CPLX1: variants seen among roughly 807,000 people sequenced by gnomAD.
The protein encoded by CPLX1 is complexin 1.
CPLX1 carries 6 observed loss-of-function variants against 15.6 expected under a neutral mutation model. The ratio of observed to expected loss-of-function variants is 0.39; its 90% confidence interval spans 0.21 to 0.76. CPLX1 has a LOEUF of 0.76. CPLX1 is among the 30% of genes least tolerant of loss of function. The probability of loss-of-function intolerance (pLI) is 0.43; values close to 1 mark genes in which losing one functional copy is unlikely to be tolerated. For synonymous variants in CPLX1, 91 were observed against 75.2 expected, an observed-to-expected ratio of 1.21 and a Z score of -1.08; for missense variants, 242 against 188.6, an observed-to-expected ratio of 1.28 and a Z score of -1.66.
chr4:799,312 A>G (rs1232247119), intron 2 of CPLX1, among the ~76,000 whole-genome samples: 1 of 152,206 alleles, frequency 6.6e-6, no homozygotes, highest in East Asian at 1.9e-4. Flanking sequence ...GGGGACGTCC[A>G]TGCTTCTTCC....
At position 811,868 on chromosome 4, in the gene CPLX1, T is replaced by C. The variant is rs115965873; in HGVS notation, c.31+12624A>G. ...CTCCTTCTGTCTTTGCTGACGTATG[T>C]TGGAACTCAGCTGTCGGGTGTAGAA... is the stretch of plus-strand genomic sequence containing the variant. On this transcript the variant is annotated intron_variant, in intron 2 of 3. Transcript: ENST00000304062. Among the ~76,000 whole-genome samples the C allele has an allele frequency of 1.5e-3, 230 of 152,300 alleles. 2 individuals carry two copies. Among genetic ancestry groups the C allele is most frequent in the Middle Eastern group, 6.8e-3 (2 of 294 alleles).
intron 3 of CPLX1, chr4:787,317 G>A: frequency 1.0e-6 from 1 of 985,414 alleles, no homozygotes; most frequent in African/African-American, 1.7e-5. Flanking sequence ...CAGTATGCCT[G>A]GGCCTCACCG....
intron 2 of CPLX1, chr4:805,024 G>A: frequency 3.9e-6 from 3 of 772,484 alleles, no homozygotes; most frequent in Non-Finnish European, 3.1e-6. Flanking sequence ...GCACGCTCGC[G>A]CACCGTCTGT....
chr4:820,457 C>T (rs997347457), intron 2 of CPLX1, among the ~76,000 whole-genome samples: 1 of 152,234 alleles, frequency 6.6e-6, no homozygotes, highest in Non-Finnish European at 1.5e-5. Flanking sequence ...GGACACCCAA[C>T]CTTGCCCATG....
chr4:788,373 A>G (rs1746064755), intron 3 of CPLX1: 39 of 984,938 alleles, frequency 4.0e-5, no homozygotes, highest in Non-Finnish European at 4.7e-5. Flanking sequence ...GTGAGATGGA[A>G]AGGAGGGCGC....
intron 2 of CPLX1, among the ~76,000 whole-genome samples, chr4:794,176 G>A (rs1249777370): frequency 6.6e-6 from 1 of 152,244 alleles, no homozygotes; most frequent in Non-Finnish European, 1.5e-5. Flanking sequence ...TTGGTGGGAG[G>A]AGAATAGCTT....
rs754834961 is a variant in CPLX1, at chr4:824,444, C to T, written c.31+48G>A. On this transcript the variant is annotated intron_variant, in intron 2 of 3. Coordinates refer to ENST00000304062, the MANE Select transcript of CPLX1 (RefSeq NM_006651.4). ...GATGAGGAGCAGCTGCTGTGGTGGT[C>T]TCTCCATGTCCCCTCAGCCCCTCCC... 67 of 1,545,652 alleles carry T rather than the reference C, an allele frequency of 4.3e-5. No individual in the cohort carries two copies. The South Asian group carries it at 7.5e-4, about 17-fold the overall frequency.
intron 2 of CPLX1, among the ~76,000 whole-genome samples, chr4:816,364 GCC>G (rs1746756207): frequency 1.3e-5 from 2 of 151,470 alleles, no homozygotes; most frequent in Admixed American, 1.3e-4. Context: ...GATTACAGGC[GCC>G]CACCACCACA....
At chr4:822,357 GTC>G (rs775952030) in intron 2 of CPLX1, among the ~76,000 whole-genome samples, 1 of 143,576 alleles carries the variant, frequency 7.0e-6, no homozygotes, top group Non-Finnish European at 1.5e-5. Flanking sequence ...GTTTCTCCCT[GTC>G]TCTGTCTCCC....
chr4:786,943 C>T (rs1172326837), intron 3 of CPLX1: 4 of 984,042 alleles, frequency 4.1e-6, no homozygotes, highest in Non-Finnish European at 4.8e-6. Flanking sequence ...GGGGGAGGCT[C>T]CCATCTTCCT....
chr4:811,715 C>A (rs1216436651), intron 2 of CPLX1, among the ~76,000 whole-genome samples: 1 of 152,228 alleles, frequency 6.6e-6, no homozygotes, highest in Non-Finnish European at 1.5e-5. Context: ...CTCAGAGCGT[C>A]TGTGAACATC....
chr4:818,208 G>T lies in CPLX1; in HGVS notation c.31+6284C>A, dbSNP rs1171086918. Among the ~76,000 whole-genome samples the T allele has an allele frequency of 2.0e-5, 3 of 152,358 alleles. No individual in the cohort carries two copies. In the South Asian group the frequency reaches 6.2e-4, roughly 32 times the overall value. ...AAGCCTGGTTCGCCCCAGCCCTTGG[G>T]GAGGGGAGGCACCGAGGCGCTGGAG... On this transcript the variant is annotated intron_variant, in intron 2 of 3. Transcript: ENST00000304062.
intron 2 of CPLX1, among the ~76,000 whole-genome samples, chr4:794,515 A>G (rs1490506202): frequency 2.0e-5 from 3 of 152,250 alleles, no homozygotes; most frequent in South Asian, 2.1e-4. Context: ...ACTGGGTCAC[A>G]GTAGAGTTGC....
At chr4:821,028 C>T (rs189653304) in intron 2 of CPLX1, among the ~76,000 whole-genome samples, 2 of 152,280 alleles carry the variant, frequency 1.3e-5, no homozygotes, top group South Asian at 2.1e-4. Context: ...AACCCAGGAC[C>T]GCACCCCTAC....
rs761763760 is a variant in CPLX1, at chr4:786,594, G to C, written c.312C>G (p.Gly104=). Residue 104 remains glycine (G), a synonymous_variant, in exon 4 of 4, where the codon GGC becomes GGG. Transcript: ENST00000304062. ...LTRPKKAIPP[G]CGDEVEEEDE... ...CCTCCTCCTCCACCTCGTCCCCGCA[G>C]CCCGGCGGGATGGCCTTCTTGGGCC... 6.2e-7 allele frequency: 1 copy of C among 1,611,874 alleles called. No individual in the cohort carries two copies.
chr4:790,985 TTC>T (rs35958511), intron 3 of CPLX1, among the ~76,000 whole-genome samples: 93,861 of 151,146 alleles, frequency 0.62, 29,507 homozygotes, highest in Middle Eastern at 0.74. Flanking sequence ...TCCCTCTGTC[TTC>T]TCTCTGTCTC....
At position 786,705 on chromosome 4, in the gene CPLX1, G is replaced by C. The variant is rs758888387; in HGVS notation, c.208-7C>G. The C allele has an allele frequency of 6.3e-7, 1 of 1,587,516 alleles. No individual in the cohort carries two copies. Among genetic ancestry groups the C allele is most frequent in the East Asian group, 2.3e-5 (1 of 44,000 alleles). On this transcript the variant is annotated splice_polypyrimidine_tract_variant and splice_region_variant and intron_variant, in intron 3 of 3. Transcript: ENST00000304062. ...CCTTCTTCTTGATGCCGTACTGCGG[G>C]GGAGGCGGGGGTCAGGGCGGGGGTC...
chr4:818,425 C>A (rs1000688968), intron 2 of CPLX1, among the ~76,000 whole-genome samples: 1 of 152,286 alleles, frequency 6.6e-6, no homozygotes, highest in African/African-American at 2.4e-5. Context: ...CCGGGCCCAG[C>A]GTCTGATGCA....
At chr4:789,154 G>A (rs1291540962) in intron 3 of CPLX1, among the ~76,000 whole-genome samples, 1 of 152,214 alleles carries the variant, frequency 6.6e-6, no homozygotes, top group Non-Finnish European at 1.5e-5. Context: ...GGGAAAACAG[G>A]CTCCGGGGCT....
Sources: gnomAD v4.1 joint callset for allele counts (sites outside exome capture counted in the v4.1 genomes callset) on GRCh38, gnomAD v4.1.1 for gene constraint, MANE v1.5 for transcripts, NCBI Gene and HGNC (gene_info 2026-07-23, HGNC 2026-07-21) for gene names.